Variants in DIP2A observed in about 807,000 individuals in gnomAD.
DIP2A encodes the protein disco-interacting protein 2 homolog A.
In DIP2A, 85 loss-of-function variants were observed where a neutral mutation model predicts 177.4. The observed-to-expected ratio is 0.48, with a 90% CI of 0.40 to 0.57. The LOEUF (loss-of-function observed/expected upper bound fraction) is 0.57, where lower values mean the gene tolerates loss of function less well. Among genes scored for constraint, DIP2A ranks in the 20% least tolerant of loss-of-function variants. DIP2A has a pLI of 0.00. For missense variants in DIP2A, 1,791 were observed against 2,100.2 expected (o/e 0.85, Z 2.88); for synonymous variants, 886 against 881.8 (o/e 1.00, Z -0.08).
At chr21:46,560,163 G>C (rs2060617011) in intron 32 of DIP2A, among the ~76,000 whole-genome samples, 1 of 152,230 alleles carries the variant, frequency 6.6e-6, no homozygotes, top group Non-Finnish European at 1.5e-5. Context: ...CTTTAAGGGT[G>C]ATGTTGATCA....
At position 46,546,809 on chromosome 21, in the gene DIP2A, G is replaced by C. The variant is rs896680670; in HGVS notation, c.2395-106G>C. On this transcript the variant is annotated intron_variant, in intron 20 of 37. Coordinates refer to ENST00000417564, the MANE Select transcript of DIP2A (RefSeq NM_015151.4). ...GCATTGACCCGTTTGCAAGGCGCTA[G>C]AGGCTCCTGTGCTGTTGGCCCCTTC... 2.1e-5 allele frequency: 28 copies of C among 1,342,308 alleles called. No individual in the cohort carries two copies. The East Asian group carries it at 6.6e-4, about 32-fold the overall frequency. 83.1% of individuals were successfully genotyped at this position (1,342,308 alleles called of 1,614,324 possible).
At position 46,541,885 on chromosome 21, in the gene DIP2A, G is replaced by A. The variant is rs1013100713; in HGVS notation, c.2166G>A (p.Val722=). The change falls in exon 18 of 38, where the codon GTG becomes GTA. Residue 722 remains valine (V), a synonymous_variant. Transcript: ENST00000417564. ...SVLTVQDVGQ[V]MPGANVCVVK... ...TTACTGTTCAGGACGTTGGTCAGGTGATGCCTGGAGGTAAGAGACATAACC... is the reference window on the plus strand; with the variant it reads ...TTACTGTTCAGGACGTTGGTCAGGTAATGCCTGGAGGTAAGAGACATAACC... 13 of 1,613,906 alleles carry A rather than the reference G, an allele frequency of 8.1e-6. No homozygotes were observed. Among genetic ancestry groups the A allele is most frequent in the African/African-American group, 2.7e-5 (2 of 74,932 alleles).
In DIP2A at chr21:46,546,254, C is replaced by G. The variant is rs1295135598; in HGVS notation, c.2394+293C>G. ...GTTTGTGAGTATTCATTATATCATT[C>G]TTTACCATTTTGGATGTCTAAACTA... On this transcript the variant is annotated intron_variant, in intron 20 of 37. Transcript: ENST00000417564. 2.7e-5 allele frequency: 33 copies of G among 1,208,540 alleles called. No individual in the cohort carries two copies. The Admixed American group carries it at 1.0e-3, about 37-fold the overall frequency. The allele number at this position is 1,208,540 out of a possible 1,614,324, so 74.9% of individuals were successfully genotyped here. A position where few individuals can be genotyped will look rare whatever the true frequency, so the allele number is the denominator to read the frequency against.
chr21:46,519,855 ATTTTTTTTTTTTTTTTTTTTTTTTT>A (rs59574579), intron 8 of DIP2A, among the ~76,000 whole-genome samples: 1 of 52,978 alleles, frequency 1.9e-5, no homozygotes, highest in Non-Finnish European at 3.3e-5. Flanking sequence ...ATTGATCTAG[ATTTTTTTTTTTTTTTTTTTTTTTTT>A]TTTTTTTTTT....
chr21:46,570,177 C>T (rs1433668385), downstream of DIP2A, among the ~76,000 whole-genome samples: 1 of 152,146 alleles, frequency 6.6e-6, no homozygotes, highest in Non-Finnish European at 1.5e-5. Context: ...CTGCCTTGGG[C>T]TCAGTTCTTA....
At chr21:46,477,573 C>CTT (rs1357462907) in intron 1 of DIP2A, among the ~76,000 whole-genome samples, 4 of 77,834 alleles carry the variant, frequency 5.1e-5, no homozygotes, top group Non-Finnish European at 7.1e-5. Flanking sequence ...GTGTGTATTT[C>CTT]TTTTTTTTTT....
At chr21:46,552,543 T>C (rs2060310519) in intron 25 of DIP2A, among the ~76,000 whole-genome samples, 1 of 152,224 alleles carries the variant, frequency 6.6e-6, no homozygotes, top group African/African-American at 2.4e-5. Context: ...CCACGCACCA[T>C]ACAAGCTGTA....
rs1357146663 is a variant in DIP2A at position 46,532,172 on chromosome 21, G to A, written c.1240G>A (p.Ala414Thr). The A allele has an allele frequency of 1.2e-6, 2 of 1,613,936 alleles. No homozygotes were observed. Among genetic ancestry groups the A allele is most frequent in the Non-Finnish European group, 1.7e-6 (2 of 1,179,832 alleles). The change falls in exon 10 of 38, where the codon GCA becomes ACA. Residue 414 changes from alanine (A) to threonine (T), a missense_variant. Physicochemically the swap from Ala to Thr is moderately conservative, Grantham distance 58. Transcript: ENST00000417564. ...TAGTGACCCTGTGATGTTCATGGTT[G>A]CATTTTATGGGTGTCTCCTGGCAGA... The part of the protein sequence containing the change: ...PNSDPVMFMV[A>T]FYGCLLAELV...
At chr21:46,480,225 C>G (rs2056243726) in intron 1 of DIP2A, among the ~76,000 whole-genome samples, 1 of 152,090 alleles carries the variant, frequency 6.6e-6, no homozygotes, top group African/African-American at 2.4e-5. Context: ...GCCTCACAAT[C>G]ATGGCAGAAG....
At chr21:46,579,336 T>C in the DIP2A span, among the ~76,000 whole-genome samples, 22 of 152,258 alleles carry the variant, frequency 1.4e-4, no homozygotes, top group South Asian at 1.0e-3. Flanking sequence ...GTCCATTTGA[T>C]TCTTTTCACT....
intron 8 of DIP2A, among the ~76,000 whole-genome samples, chr21:46,522,681 T>G (rs573400003): frequency 2.0e-5 from 3 of 152,230 alleles, no homozygotes; most frequent in Non-Finnish European, 4.4e-5. Context: ...ACACCAGAGC[T>G]CTCTCGTCAT....
Position 46,556,202 on chromosome 21 carries a change from AAG to A in DIP2A, c.3498+112_3498+113del, listed in dbSNP as rs1380679712. 2 of 1,406,318 alleles carry A rather than the reference AAG, an allele frequency of 1.4e-6. No individual in the cohort carries two copies. The highest frequency in any genetic ancestry group is 2.0e-6 in the Non-Finnish European group (2 of 1,002,676). The allele number at this position is 1,406,318 out of a possible 1,614,324, so 87.1% of individuals were successfully genotyped here. A position where few individuals can be genotyped will look rare whatever the true frequency, so the allele number is the denominator to read the frequency against. On this transcript the variant is annotated intron_variant, in intron 29 of 37. Coordinates refer to ENST00000417564, the MANE Select transcript of DIP2A (RefSeq NM_015151.4). The surrounding 1 kb of genome is among the most constrained non-coding windows in gnomAD (Gnocchi z 4.5). ...ACAGGTCCTTCTTATGCAAAGCACA[AAG>A]CAACAATTTTGCTTCTTAAGATTTG...
At chr21:46,579,940 A>G in the DIP2A span, among the ~76,000 whole-genome samples, 1 of 152,200 alleles carries the variant, frequency 6.6e-6, no homozygotes, top group Non-Finnish European at 1.5e-5. Context: ...TTTTGAGTGG[A>G]AAGTTCTGTA....
At chr21:46,501,414 CT>C (rs916215060) in intron 5 of DIP2A, among the ~76,000 whole-genome samples, 20 of 147,992 alleles carry the variant, frequency 1.4e-4, no homozygotes, top group Non-Finnish European at 1.5e-4. Context: ...TTTTATGCAG[CT>C]TTTTTTTTTA....
intron 8 of DIP2A, among the ~76,000 whole-genome samples, chr21:46,517,675 C>T (rs1214106683): frequency 6.6e-6 from 1 of 152,224 alleles, no homozygotes; most frequent in Non-Finnish European, 1.5e-5. Context: ...CACATGGGCT[C>T]TTGGTCTCCT....
At chr21:46,479,957 G>A (rs942909320) in intron 1 of DIP2A, among the ~76,000 whole-genome samples, 1 of 152,062 alleles carries the variant, frequency 6.6e-6, no homozygotes, top group Admixed American at 6.6e-5. Flanking sequence ...CTTATATTAA[G>A]AACGACTGTT....
intron 1 of DIP2A, among the ~76,000 whole-genome samples, chr21:46,460,573 T>G (rs1373131938): frequency 6.6e-6 from 1 of 152,248 alleles, no homozygotes; most frequent in Non-Finnish European, 1.5e-5. Context: ...AGTAAGTCAT[T>G]TAATCCTTGC....
At chr21:46,532,029 T>A in intron 9 of DIP2A, 98 bp from the exon 10 acceptor site, 1 of 1,081,384 alleles carries the variant, frequency 9.2e-7, no homozygotes, top group Non-Finnish European at 1.3e-6. Context: ...TTACAATATT[T>A]GGGGCTTACA....
At chr21:46,565,647 T>C (rs958509229) in intron 35 of DIP2A, 66 bp from the exon 36 acceptor site, 1 of 1,496,062 alleles carries the variant, frequency 6.7e-7, no homozygotes, top group African/African-American at 1.4e-5. Flanking sequence ...CCAGTGGATG[T>C]CTCGTGACAG....
Sources: gnomAD v4.1 joint callset for allele counts (sites outside exome capture counted in the v4.1 genomes callset) on GRCh38, gnomAD v4.1.1 for gene constraint, Gnocchi (gnomAD v3.1) non-coding constraint, MANE v1.5 for transcripts, NCBI Gene and HGNC (gene_info 2026-07-23, HGNC 2026-07-21) for gene names.